Variants in CDK8 observed in about 807,000 individuals in gnomAD.
The protein encoded by CDK8 is cyclin-dependent kinase 8.
In CDK8, 29 loss-of-function variants were observed where a neutral mutation model predicts 71.5. The ratio of observed to expected loss-of-function variants is 0.41; its 90% CI spans 0.30 to 0.55. The LOEUF is 0.55. Ranked by LOEUF, CDK8 falls within the 20% of genes least tolerant of loss-of-function variation. The pLI, the probability that CDK8 is intolerant of heterozygous loss-of-function variation, is 0.37. For synonymous variants in CDK8, 161 were observed against 192.1 expected (o/e 0.84, Z 1.34); for missense variants, 288 against 572.6 (o/e 0.50, Z 5.07).
At chr13:26,362,759 C>G (rs1874205795) in intron 4 of CDK8, among the ~76,000 whole-genome samples, 2 of 152,148 alleles carry the variant, frequency 1.3e-5, no homozygotes, top group African/African-American at 4.8e-5. Flanking sequence ...ATTCTTTAGT[C>G]AAGTTGACAC....
chr13:26,403,538 C>G (rs1248848218), intron 12 of CDK8, among the ~76,000 whole-genome samples: 1 of 152,060 alleles, frequency 6.6e-6, no homozygotes, highest in Non-Finnish European at 1.5e-5. Flanking sequence ...CTATCATACT[C>G]ACTTTTACTC....
chr13:26,359,186 G>A (rs1335117263), intron 4 of CDK8, among the ~76,000 whole-genome samples: 1 of 152,192 alleles, frequency 6.6e-6, no homozygotes, highest in Non-Finnish European at 1.5e-5. Context: ...GATTCATAGA[G>A]ACAAAGTAGA....
chr13:26,361,694 G>T (rs568304991), intron 4 of CDK8, among the ~76,000 whole-genome samples: 1 of 150,832 alleles, frequency 6.6e-6, no homozygotes, highest in East Asian at 2.0e-4. Context: ...GTAAGTTGGA[G>T]ATCATCTCTA....
At chr13:26,349,700 C>G (rs1209860851) in intron 3 of CDK8, among the ~76,000 whole-genome samples, 1 of 152,098 alleles carries the variant, frequency 6.6e-6, no homozygotes, top group Non-Finnish European at 1.5e-5. Context: ...GTAATACTTT[C>G]TTGCCTTTTT....
chr13:26,348,074 C>CTA (rs778055189), intron 2 of CDK8, among the ~76,000 whole-genome samples: 26 of 151,380 alleles, frequency 1.7e-4, no homozygotes, highest in Middle Eastern at 6.9e-3. Flanking sequence ...AATGTGATAT[C>CTA]TATATATATA....
At chr13:26,280,766 C>T (rs183993766) in intron 1 of CDK8, among the ~76,000 whole-genome samples, 32 of 152,302 alleles carry the variant, frequency 2.1e-4, no homozygotes, top group Middle Eastern at 6.8e-3. Flanking sequence ...TAGTCATGCC[C>T]GATTCCTCTT....
chr13:26,392,807 G>A (rs1168861599), intron 6 of CDK8, among the ~76,000 whole-genome samples: 2 of 152,098 alleles, frequency 1.3e-5, no homozygotes. Context: ...TTGTCTCTTG[G>A]TGGAATACCA....
chr13:26,395,117 G>A (rs1875922854), intron 7 of CDK8, among the ~76,000 whole-genome samples: 1 of 152,186 alleles, frequency 6.6e-6, no homozygotes, highest in South Asian at 2.1e-4. Context: ...TTTACAATAT[G>A]TGATGTCTTT....
intron 1 of CDK8, among the ~76,000 whole-genome samples, chr13:26,307,882 T>A (rs1874115623): frequency 6.6e-6 from 1 of 152,240 alleles, no homozygotes; most frequent in Non-Finnish European, 1.5e-5. Flanking sequence ...AGCATTGTTT[T>A]TTGTTAAATA....
intron 1 of CDK8, among the ~76,000 whole-genome samples, chr13:26,261,145 CTTA>C (rs1242954290): frequency 6.6e-6 from 1 of 152,150 alleles, no homozygotes; most frequent in East Asian, 1.9e-4. Flanking sequence ...GACCTTAGTA[CTTA>C]AAGACTGTTG....
intron 1 of CDK8, among the ~76,000 whole-genome samples, chr13:26,301,845 C>T (rs1232714653): frequency 4.6e-5 from 7 of 152,132 alleles, no homozygotes; most frequent in Non-Finnish European, 7.3e-5. Flanking sequence ...AATGTGGGCA[C>T]CTAGTTTTTA....
chr13:26,388,956 C>T (rs991002166), intron 6 of CDK8, among the ~76,000 whole-genome samples: 1 of 152,112 alleles, frequency 6.6e-6, no homozygotes, highest in African/African-American at 2.4e-5. Context: ...ATTTACAGTC[C>T]AGTTGAGAAG....
intron 1 of CDK8, among the ~76,000 whole-genome samples, chr13:26,333,986 G>C (rs1201864012): frequency 6.6e-6 from 1 of 152,086 alleles, no homozygotes; most frequent in Non-Finnish European, 1.5e-5. Flanking sequence ...ATTATATTAT[G>C]TTGTAATTAT....
intron 1 of CDK8, among the ~76,000 whole-genome samples, chr13:26,259,295 C>T (rs368089545): frequency 2.0e-5 from 3 of 152,102 alleles, no homozygotes; most frequent in South Asian, 4.1e-4. Context: ...CAAAAATTTT[C>T]GAGGGGGTAG....
At chr13:26,296,297 A>G (rs965821020) in intron 1 of CDK8, among the ~76,000 whole-genome samples, 1 of 152,208 alleles carries the variant, frequency 6.6e-6, no homozygotes, top group African/African-American at 2.4e-5. Context: ...CTTCTGAACT[A>G]CCACCTATCT....
intron 1 of CDK8, among the ~76,000 whole-genome samples, chr13:26,270,035 G>GT (rs1872227131): frequency 6.6e-6 from 1 of 151,966 alleles, no homozygotes; most frequent in South Asian, 2.1e-4. Context: ...GGTTCATAAA[G>GT]TTTTTCTTAA....
At chr13:26,263,522 A>T (rs1377912315) in intron 1 of CDK8, among the ~76,000 whole-genome samples, 2 of 150,730 alleles carry the variant, frequency 1.3e-5, no homozygotes, top group Non-Finnish European at 3.0e-5. Flanking sequence ...GCTCACTGTA[A>T]CCTCCGCCTC....
intron 2 of CDK8, among the ~76,000 whole-genome samples, chr13:26,343,640 G>A (rs1255219820): frequency 6.6e-6 from 1 of 152,164 alleles, no homozygotes; most frequent in Non-Finnish European, 1.5e-5. Flanking sequence ...AGTGAGTAGT[G>A]AATGAATGTG....
intron 1 of CDK8, among the ~76,000 whole-genome samples, chr13:26,300,866 A>G (rs911990172): frequency 2.0e-5 from 3 of 152,214 alleles, no homozygotes; most frequent in Admixed American, 2.0e-4. Flanking sequence ...ATGTAGCTTC[A>G]AGAAATGGTA....
Sources: allele counts gnomAD v4.1 joint callset (sites outside exome capture counted in the v4.1 genomes callset), GRCh38; gene constraint gnomAD v4.1.1; transcripts MANE v1.5; gene names NCBI Gene and HGNC (gene_info 2026-07-23, HGNC 2026-07-21).